HOMER1: variants seen among roughly 807,000 people sequenced by gnomAD.
The protein encoded by HOMER1 is homer scaffold protein 1, also known as homer protein homolog 1.
In HOMER1, 3 loss-of-function variants were observed where a neutral mutation model predicts 48.9. The ratio of observed to expected loss-of-function variants is 0.06; its 90% CI spans 0.03 to 0.16. HOMER1 has a LOEUF of 0.16. Among genes scored for constraint, HOMER1 ranks in the 10% least tolerant of loss-of-function variants. The pLI is 1.00. For synonymous variants in HOMER1, 134 were observed against 146.4 expected, an observed-to-expected ratio of 0.92 and a Z score of 0.61; for missense variants, 247 against 411.4, an observed-to-expected ratio of 0.60 and a Z score of 3.46.
chr5:79,441,356 G>C (rs1208288061), intron 4 of HOMER1, among the ~76,000 whole-genome samples: 2 of 151,928 alleles, frequency 1.3e-5, no homozygotes, highest in Admixed American at 1.3e-4. Context: ...TAAATGCTCC[G>C]GTCACTTTGA....
intron 1 of HOMER1, among the ~76,000 whole-genome samples, chr5:79,503,552 A>C (rs1360073063): frequency 6.7e-6 from 1 of 148,870 alleles, no homozygotes; most frequent in Non-Finnish European, 1.5e-5. Context: ...AAAAAAAAAA[A>C]AACAGAGGCC....
chr5:79,427,947 C>T (rs1039439343), intron 5 of HOMER1, among the ~76,000 whole-genome samples: 2 of 152,132 alleles, frequency 1.3e-5, no homozygotes, highest in Non-Finnish European at 2.9e-5. Flanking sequence ...CCCCCATTCC[C>T]TCTCTATAAG....
At chr5:79,481,306 C>G (rs144518234) in intron 1 of HOMER1, among the ~76,000 whole-genome samples, 7 of 152,242 alleles carry the variant, frequency 4.6e-5, no homozygotes, top group African/African-American at 1.7e-4. Flanking sequence ...AACTAAAACA[C>G]TAGACAAAAT....
In HOMER1 at chr5:79,481,119, A is replaced by T. The variant is rs139654816; in HGVS notation, c.6-24101T>A. ...TTAATTGCTTTTTCTTTCATCACTTAGGTATGGGATGATTACTGGGCAGCA... is the reference window on the plus strand; with the variant it reads ...TTAATTGCTTTTTCTTTCATCACTTTGGTATGGGATGATTACTGGGCAGCA... On this transcript the variant is annotated intron_variant, in intron 1 of 8. Coordinates refer to ENST00000334082, the MANE Select transcript of HOMER1 (RefSeq NM_004272.5). 6.6e-4 allele frequency among the ~76,000 whole-genome samples: 101 copies of T among 152,270 alleles called. 4 individuals are homozygous for T. The highest frequency in any genetic ancestry group is 2.3e-3 in the African/African-American group (97 of 41,546).
chr5:79,387,075 ATCTCTCTC>A lies in HOMER1; in HGVS notation c.876+9740_876+9747del, dbSNP rs111457551. Among the ~76,000 whole-genome samples the A allele has an allele frequency of 6.2e-3, 708 of 113,722 alleles. 3 individuals carry two copies. The highest frequency in any genetic ancestry group is 0.02 in the African/African-American group (665 of 32,982). The allele number at this position is 113,722 out of a possible 152,430, so 74.6% of individuals were successfully genotyped here. On this transcript the variant is annotated intron_variant, in intron 8 of 8. Coordinates refer to ENST00000334082, the MANE Select transcript of HOMER1 (RefSeq NM_004272.5). ...TCCTTCCTCTTTCCTTTCTTTCTCT[ATCTCTCTC>A]TCTCTCTCTCTCTCTCTTTCTTTCA...
chr5:79,466,499 A>AAATAATAAT (rs143679793), intron 1 of HOMER1, among the ~76,000 whole-genome samples: 80 of 148,194 alleles, frequency 5.4e-4, no homozygotes, highest in East Asian at 2.4e-3. Flanking sequence ...CCTGTCTCAA[A>AAATAATAAT]AATAATAATA....
chr5:79,432,676 T>C (rs1035323008), intron 5 of HOMER1, among the ~76,000 whole-genome samples: 1 of 152,188 alleles, frequency 6.6e-6, no homozygotes. Flanking sequence ...AAAATGTAAA[T>C]GTATCTATTC....
intron 8 of HOMER1, among the ~76,000 whole-genome samples, chr5:79,379,377 T>C (rs1480709035): frequency 8.7e-6 from 1 of 114,996 alleles, no homozygotes; most frequent in Non-Finnish European, 1.6e-5. Flanking sequence ...TATATATTTA[T>C]ATATTTTATA....
In HOMER1 at chr5:79,439,181, G is replaced by C. The variant is rs564182777; in HGVS notation, c.388-32C>G. The stretch of plus-strand genomic sequence containing the variant: ...AAAAAGGGGTGGGGGATAAAAAATA[G>C]TTACACTTTTGTTAAAGTACACAAT... On this transcript the variant is annotated intron_variant, in intron 4 of 8. Transcript: ENST00000334082. 6.8e-6 allele frequency: 11 copies of C among 1,610,784 alleles called. No individual in the cohort carries two copies. In the African/African-American group the frequency reaches 1.1e-4, roughly 16 times the overall value.
At chr5:79,476,436 C>T (rs1270267108) in intron 1 of HOMER1, among the ~76,000 whole-genome samples, 1 of 152,118 alleles carries the variant, frequency 6.6e-6, no homozygotes, top group Non-Finnish European at 1.5e-5. Context: ...AGTGTCAGAT[C>T]GCACAGGCTG....
chr5:79,500,994 A>ACACACACACACACAC (rs1491137703), intron 1 of HOMER1, among the ~76,000 whole-genome samples: 6 of 143,132 alleles, frequency 4.2e-5, no homozygotes, highest in African/African-American at 1.3e-4. Context: ...ACACACACAC[A>ACACACACACACACAC]AGGTCTGGCT....
At chr5:79,450,385 T>G (rs550527286) in intron 3 of HOMER1, among the ~76,000 whole-genome samples, 27 of 152,358 alleles carry the variant, frequency 1.8e-4, no homozygotes, top group African/African-American at 6.0e-4. Flanking sequence ...TTTTGCTTAT[T>G]GACAGGAGAA....
intron 7 of HOMER1, 141 bp from the exon 8 acceptor site, chr5:79,397,044 G>T (rs898677539): frequency 1.8e-6 from 1 of 567,264 alleles, no homozygotes; most frequent in East Asian, 3.0e-5. Context: ...TTAGAGGGAT[G>T]AATTCATCTT....
chr5:79,439,190 T>G, intron 4 of HOMER1, 41 bp from the exon 5 acceptor site: 1 of 1,605,602 alleles, frequency 6.2e-7, no homozygotes. Flanking sequence ...AGTTACACTT[T>G]TGTTAAAGTA....
At chr5:79,498,865 C>T (rs891692771) in intron 1 of HOMER1, among the ~76,000 whole-genome samples, 7 of 144,602 alleles carry the variant, frequency 4.8e-5, no homozygotes, top group Non-Finnish European at 9.0e-5. Flanking sequence ...GACAGAGTCT[C>T]GCTCTGTCGC....
intron 5 of HOMER1, among the ~76,000 whole-genome samples, 183 bp from the exon 6 acceptor site, chr5:79,402,238 T>A (rs1189546090): frequency 6.6e-6 from 1 of 151,684 alleles, no homozygotes; most frequent in African/African-American, 2.4e-5. Flanking sequence ...CAATCTTGGC[T>A]CACTGCAACC....
chr5:79,462,266 C>T (rs932462035), intron 1 of HOMER1, among the ~76,000 whole-genome samples: 4 of 152,114 alleles, frequency 2.6e-5, no homozygotes, highest in African/African-American at 7.2e-5. Context: ...ACTATCTATT[C>T]GGTAACTTCT....
At chr5:79,448,484 A>C (rs1388531234) in intron 3 of HOMER1, among the ~76,000 whole-genome samples, 1 of 152,178 alleles carries the variant, frequency 6.6e-6, no homozygotes, top group Non-Finnish European at 1.5e-5. Context: ...CTTAGTAAGC[A>C]CTCTAACAAT....
chr5:79,431,180 C>T (rs953044588), intron 5 of HOMER1, among the ~76,000 whole-genome samples: 9 of 151,788 alleles, frequency 5.9e-5, no homozygotes, highest in South Asian at 4.2e-4. Flanking sequence ...AAATATTAGC[C>T]GGCATAGTGG....
Sources: allele counts gnomAD v4.1 joint callset (sites outside exome capture counted in the v4.1 genomes callset), GRCh38; gene constraint gnomAD v4.1.1; transcripts MANE v1.5; gene names NCBI Gene and HGNC (gene_info 2026-07-23, HGNC 2026-07-21).